MYOM1: variants seen among roughly 807,000 people sequenced by gnomAD.
MYOM1 encodes myomesin-1.
Under a neutral mutation model 205.3 loss-of-function variants are expected in MYOM1, and 164 were observed. The observed-to-expected ratio is 0.80, with a 90% CI of 0.70 to 0.91. MYOM1 has a LOEUF of 0.91. Among genes scored for constraint, MYOM1 ranks in the 40% least tolerant of loss-of-function variants. The pLI is 0.00. For synonymous variants in MYOM1, 772 were observed against 789.4 expected (o/e 0.98, Z 0.37); for missense variants, 2,011 against 2,127.3 (o/e 0.95, Z 1.08).
chr18:3,111,441 A>G (rs2079526155), intron 22 of MYOM1, among the ~76,000 whole-genome samples: 1 of 152,116 alleles, frequency 6.6e-6, no homozygotes, highest in Non-Finnish European at 1.5e-5. Flanking sequence ...CTGGGAAATG[A>G]GGGCTGCCTC....
chr18:3,210,893 T>C (rs964809423), intron 2 of MYOM1, among the ~76,000 whole-genome samples: 1 of 152,218 alleles, frequency 6.6e-6, no homozygotes, highest in Non-Finnish European at 1.5e-5. Context: ...TTCTCATTTA[T>C]AAAATGAAGA....
intron 5 of MYOM1, among the ~76,000 whole-genome samples, chr18:3,178,153 C>T (rs905862015): frequency 8.5e-5 from 13 of 152,220 alleles, no homozygotes; most frequent in African/African-American, 2.7e-4. Flanking sequence ...CAGCCCACTT[C>T]GCACGCACAG....
intron 13 of MYOM1, among the ~76,000 whole-genome samples, chr18:3,147,121 AATAT>A (rs1432447364): frequency 1.5e-4 from 21 of 139,976 alleles, no homozygotes; most frequent in African/African-American, 3.8e-4. Context: ...TTTATATATA[AATAT>A]TATATATTAT....
Position 3,075,947 on chromosome 18 carries a change from G to A in MYOM1, c.4649-186C>T, listed in dbSNP as rs138778045. The stretch of plus-strand genomic sequence containing the variant: ...ACTTAACAAGGCCAGGAAATACATT[G>A]TAGGCACAAAATATGAAATAGTAGA... On this transcript the variant is annotated intron_variant, in intron 34 of 37. Coordinates refer to ENST00000356443, the MANE Select transcript of MYOM1 (RefSeq NM_003803.4). Among the ~76,000 whole-genome samples, 610 of 152,294 alleles carry A rather than the reference G, an allele frequency of 4.0e-3. 4 individuals carry two copies. Among genetic ancestry groups the A allele is most frequent in the African/African-American group, 0.014 (581 of 41,574 alleles).
intron 37 of MYOM1, among the ~76,000 whole-genome samples, chr18:3,068,431 CTTAT>C (rs1052725253): frequency 4.0e-5 from 6 of 151,810 alleles, no homozygotes; most frequent in African/African-American, 1.5e-4. Flanking sequence ...TTTACTGGTG[CTTAT>C]TTGTGTTTGT....
chr18:3,085,815 C>G (rs899212753), intron 30 of MYOM1, among the ~76,000 whole-genome samples: 1 of 152,148 alleles, frequency 6.6e-6, no homozygotes. Context: ...ATAAAAGCAA[C>G]TCAGAAAAGC....
At chr18:3,159,493 CA>C (rs2080350450) in intron 10 of MYOM1, among the ~76,000 whole-genome samples, 1 of 152,134 alleles carries the variant, frequency 6.6e-6, no homozygotes, top group Admixed American at 6.5e-5. Context: ...TATGACCTAG[CA>C]ATTCCACTTG....
chr18:3,191,948 A>T (rs7505043), intron 3 of MYOM1, among the ~76,000 whole-genome samples: 2 of 151,854 alleles, frequency 1.3e-5, no homozygotes, highest in Non-Finnish European at 2.9e-5. Flanking sequence ...TGCCCGCCTC[A>T]GCCTCCCAAA....
At chr18:3,233,413 G>A in the MYOM1 span, among the ~76,000 whole-genome samples, 2 of 152,240 alleles carry the variant, frequency 1.3e-5, no homozygotes, top group Non-Finnish European at 2.9e-5. Context: ...TACAAACAGA[G>A]TAAGTTACTC....
At position 3,164,354 on chromosome 18, in the gene MYOM1, T is replaced by A. The variant is rs1255573216; in HGVS notation, c.1425A>T (p.Glu475Asp). 2 of 1,612,124 alleles carry A rather than the reference T, an allele frequency of 1.2e-6. No individual in the cohort carries two copies. The highest frequency in any genetic ancestry group is 1.1e-5 in the South Asian group (1 of 90,556). Residue 475 changes from glutamate to aspartate, a missense_variant, in exon 10 of 38, where the codon GAA becomes GAT. Physicochemically the swap from Glu to Asp is conservative, Grantham distance 45 (BLOSUM62 2). Transcript: ENST00000356443. ...CACGGATTGTATAGAGGCCTTCATC[T>A]TCTTTGTTGAGATGGGAAAATGTCA... Reference protein sequence around the residue: ...ATLTFSHLNKEDEGLYTIRVR... With the variant: ...ATLTFSHLNKDDEGLYTIRVR...
chr18:3,114,901 T>C (rs1270091908), intron 21 of MYOM1, among the ~76,000 whole-genome samples: 1 of 152,198 alleles, frequency 6.6e-6, no homozygotes, highest in East Asian at 1.9e-4. Flanking sequence ...TTATTCTTTT[T>C]CTTTTTAAAA....
chr18:3,126,976 A>T, intron 18 of MYOM1, 79 bp from the exon 19 acceptor site: 1 of 1,286,148 alleles, frequency 7.8e-7, no homozygotes, highest in Non-Finnish European at 1.1e-6. Flanking sequence ...TGGGTGCCAC[A>T]TATGAGGGCA....
At chr18:3,233,997 G>A in the MYOM1 span, among the ~76,000 whole-genome samples, 1 of 152,146 alleles carries the variant, frequency 6.6e-6, no homozygotes, top group Non-Finnish European at 1.5e-5. Context: ...ACAGACATGC[G>A]TCACATTCCT....
the MYOM1 span, among the ~76,000 whole-genome samples, chr18:3,235,606 T>C: frequency 3.7e-3 from 561 of 152,344 alleles, 8 homozygotes; most frequent in African/African-American, 0.011. Context: ...TCTTTATACA[T>C]TGAATGCCTA....
chr18:3,090,724 T>C lies in MYOM1; in HGVS notation c.3943A>G (p.Thr1315Ala). 6.2e-7 allele frequency: 1 copy of C among 1,613,978 alleles called. No individual in the cohort carries two copies. The highest frequency in any genetic ancestry group is 2.2e-5 in the East Asian group (1 of 44,878). Residue 1315 changes from threonine to alanine, a missense_variant, in exon 27 of 38, where the codon ACG (threonine) becomes GCG (alanine). Transcript: ENST00000356443. ...CCATCTTGAAGCTGGAAAGTGTACG[T>C]TCCCTCATCCTCATCCTGTAGCTTT... Reference protein sequence around the residue: ...MEKLQDEDEGTYTFQLQDGKA... With the variant: ...MEKLQDEDEGAYTFQLQDGKA...
rs755014620 is a variant in MYOM1, at chr18:3,083,898, A to C, written c.4379-4T>G. On this transcript the variant is annotated splice_region_variant and splice_polypyrimidine_tract_variant and intron_variant, in intron 32 of 37. Coordinates refer to ENST00000356443, the MANE Select transcript of MYOM1 (RefSeq NM_003803.4). Reference sequence around the variant, plus strand: ...TTCAGGTCTGTAGCAGACAAAGCTGAAAGAAGAAAATAGCATATTTCATAC... The same window carrying C: ...TTCAGGTCTGTAGCAGACAAAGCTGCAAGAAGAAAATAGCATATTTCATAC... The C allele has an allele frequency of 4.7e-5, 74 of 1,576,884 alleles. No homozygotes were observed. The Admixed American group carries it at 1.4e-3, about 29-fold the overall frequency.
At chr18:3,122,424 TG>T (rs1396350811) in intron 19 of MYOM1, among the ~76,000 whole-genome samples, 1 of 152,196 alleles carries the variant, frequency 6.6e-6, no homozygotes, top group Non-Finnish European at 1.5e-5. Flanking sequence ...GTATTCATAA[TG>T]GTAAAGAGTC....
At position 3,145,631 on chromosome 18, in the gene MYOM1, G is replaced by A. The variant is rs191949374; in HGVS notation, c.1900+3514C>T. Among the ~76,000 whole-genome samples the A allele has an allele frequency of 2.4e-3, 371 of 151,962 alleles. 2 individuals carry two copies. The highest frequency in any genetic ancestry group is 8.5e-3 in the African/African-American group (352 of 41,472). On this transcript the variant is annotated intron_variant, in intron 13 of 37. Coordinates refer to ENST00000356443, the MANE Select transcript of MYOM1 (RefSeq NM_003803.4). ...CAAAATGTGTGAAATACAGCTAAAG[G>A]AGTACTTAGAAAAAAATATTTAGCA...
intron 22 of MYOM1, among the ~76,000 whole-genome samples, chr18:3,108,552 T>C (rs2079481313): frequency 6.6e-6 from 1 of 151,930 alleles, no homozygotes; most frequent in African/African-American, 2.4e-5. Flanking sequence ...GACAGCATTT[T>C]TTTTTTTTCG....
Sources: allele counts gnomAD v4.1 joint callset (sites outside exome capture counted in the v4.1 genomes callset), GRCh38; gene constraint gnomAD v4.1.1; transcripts MANE v1.5; gene names NCBI Gene and HGNC (gene_info 2026-07-23, HGNC 2026-07-21).